The following ITSN1 variants were observed in gnomAD, a reference collection of about 807,000 sequenced individuals.
ITSN1 encodes the protein intersectin 1, also known as intersectin-1.
In ITSN1, 58 loss-of-function variants were observed where a neutral mutation model predicts 239.8. The ratio of observed to expected loss-of-function variants is 0.24; its 90% CI spans 0.20 to 0.30. The LOEUF (loss-of-function observed/expected upper bound fraction) is 0.30. ITSN1 is among the 10% of genes least tolerant of loss of function. The pLI is 1.00. For missense variants in ITSN1, 1,558 were observed against 2,103.3 expected (o/e 0.74, Z 5.07); for synonymous variants, 780 against 770.8 (o/e 1.01, Z -0.20).
chr21:33,800,507 T>C (rs936734783), intron 19 of ITSN1, among the ~76,000 whole-genome samples: 4 of 152,158 alleles, frequency 2.6e-5, no homozygotes, highest in Non-Finnish European at 1.5e-5. Flanking sequence ...TTCCCTTTAA[T>C]TATGTGAACT....
chr21:33,749,069 GC>G (rs1274032164), intron 5 of ITSN1, among the ~76,000 whole-genome samples: 1 of 150,510 alleles, frequency 6.6e-6, no homozygotes, highest in Admixed American at 6.6e-5. Flanking sequence ...GCTCACTGTA[GC>G]CTCAACCTCT....
chr21:33,782,160 T>C, intron 16 of ITSN1, 27 bp downstream of exon 16: 1 of 1,606,830 alleles, frequency 6.2e-7, no homozygotes, highest in Non-Finnish European at 8.5e-7. Context: ...TGCCTGCATG[T>C]GTGTCCTACC....
chr21:33,795,045 A>G (rs1486265530), intron 17 of ITSN1, among the ~76,000 whole-genome samples: 1 of 152,134 alleles, frequency 6.6e-6, no homozygotes, highest in African/African-American at 2.4e-5. Context: ...TTTGTGTCTG[A>G]TTTTGTTACT....
At chr21:33,780,704 A>G (rs911129682) in intron 14 of ITSN1, among the ~76,000 whole-genome samples, 6 of 152,240 alleles carry the variant, frequency 3.9e-5, no homozygotes, top group Admixed American at 6.5e-5. Flanking sequence ...TTATCAAGGT[A>G]AAAATAAAAG....
At chr21:33,866,367 C>G (rs1981580634) in intron 32 of ITSN1, among the ~76,000 whole-genome samples, 1 of 152,230 alleles carries the variant, frequency 6.6e-6, no homozygotes, top group African/African-American at 2.4e-5. Flanking sequence ...CATGGACCAC[C>G]TAGGGTTTCA....
intron 29 of ITSN1, chr21:33,836,842 GTCCCCTCCC>G (rs2074629005): frequency 1.0e-5 from 7 of 694,048 alleles, no homozygotes; most frequent in South Asian, 4.2e-5. Flanking sequence ...TCTGTAGCAT[GTCCCCTCCC>G]TCCCCTCCCT....
chr21:33,843,333 T>G (rs1378082068), intron 29 of ITSN1, among the ~76,000 whole-genome samples: 1 of 152,100 alleles, frequency 6.6e-6, no homozygotes, highest in African/African-American at 2.4e-5. Flanking sequence ...TCCTCACTGG[T>G]GGGGTTACCA....
intron 29 of ITSN1, among the ~76,000 whole-genome samples, chr21:33,855,512 T>C (rs572599445): frequency 6.6e-6 from 1 of 152,356 alleles, no homozygotes; most frequent in South Asian, 2.1e-4. Context: ...GCTTCTGTGA[T>C]TAAATAAAGA....
intron 1 of ITSN1, among the ~76,000 whole-genome samples, chr21:33,699,876 C>G (rs777676270): frequency 1.4e-4 from 21 of 152,174 alleles, no homozygotes; most frequent in Non-Finnish European, 2.8e-4. Flanking sequence ...TTTTTCCTGC[C>G]TCAGCCTCCC....
At chr21:33,819,081 G>A (rs1260779225) in intron 23 of ITSN1, among the ~76,000 whole-genome samples, 160 bp from the exon 24 acceptor site, 1 of 112,118 alleles carries the variant, frequency 8.9e-6, no homozygotes, top group South Asian at 3.4e-4. Flanking sequence ...TGCCTCTGTA[G>A]TACCTTATTA....
At chr21:33,796,520 G>A (rs928819969) in intron 17 of ITSN1, among the ~76,000 whole-genome samples, 1 of 152,150 alleles carries the variant, frequency 6.6e-6, no homozygotes, top group Non-Finnish European at 1.5e-5. Context: ...AATTCTAGCC[G>A]ATGACCTGTG....
At chr21:33,829,423 A>G (rs936958628) in intron 26 of ITSN1, 2 of 603,670 alleles carry the variant, frequency 3.3e-6, no homozygotes, top group Non-Finnish European at 5.9e-6. Context: ...CTCAAGGATC[A>G]GCCAGGCCCT....
chr21:33,795,826 C>A (rs2071504061), intron 17 of ITSN1, among the ~76,000 whole-genome samples: 2 of 150,870 alleles, frequency 1.3e-5, no homozygotes, highest in African/African-American at 4.9e-5. Flanking sequence ...CAGAAAATAG[C>A]ATAAAAATAT....
At chr21:33,704,338 C>T (rs370049808) in intron 1 of ITSN1, among the ~76,000 whole-genome samples, 63 of 152,244 alleles carry the variant, frequency 4.1e-4, no homozygotes, top group African/African-American at 1.5e-3. Context: ...TTTCTTCTTT[C>T]GTTTTCCAGT....
At chr21:33,849,025 G>A (rs34756011) in intron 29 of ITSN1, among the ~76,000 whole-genome samples, 26,982 of 152,174 alleles carry the variant, frequency 0.18, 2,927 homozygotes, top group East Asian at 0.23. Flanking sequence ...CGGATCACCT[G>A]AAGTCAGGAG....
rs1204245540 is a variant in ITSN1 at position 33,882,730 on chromosome 21, G to T, written c.4554+275G>T. Among the ~76,000 whole-genome samples the T allele has an allele frequency of 6.6e-6, 1 of 152,198 alleles. No individual in the cohort carries two copies. Among genetic ancestry groups the T allele is most frequent in the African/African-American group, 2.4e-5 (1 of 41,450 alleles). On this transcript the variant is annotated intron_variant, in intron 35 of 39. Transcript: ENST00000381318. This position sits in a 1 kb window ranked among gnomAD's most constrained non-coding sequence, Gnocchi z 4.5. ...CAGAGGCATGCTTTAGCCTGTAGGA[G>T]CGAAGTCTAGGGTACAGATGAGGCA...
intron 1 of ITSN1, among the ~76,000 whole-genome samples, chr21:33,694,643 A>T (rs1021061479): frequency 2.0e-5 from 3 of 152,080 alleles, no homozygotes; most frequent in Non-Finnish European, 2.9e-5. Flanking sequence ...CAACATGGCG[A>T]AACCCCGTCT....
In ITSN1 at chr21:33,802,456, C is replaced by T. The variant is rs994672175; in HGVS notation, c.2319+12C>T. 1.9e-6 allele frequency: 3 copies of T among 1,610,132 alleles called. No individual in the cohort carries two copies. Among genetic ancestry groups the T allele is most frequent in the Non-Finnish European group, 2.5e-6 (3 of 1,179,456 alleles). ...TTAAAGGGGAATGGGTAAGTGTTGC[C>T]TAACTGTCAGGAAGTCTGCATCTTA... is the stretch of plus-strand genomic sequence containing the variant. On this transcript the variant is annotated intron_variant, in intron 20 of 39. Coordinates refer to ENST00000381318, the MANE Select transcript of ITSN1 (RefSeq NM_003024.3).
chr21:33,669,129 C>T (rs1327753848), intron 1 of ITSN1, among the ~76,000 whole-genome samples: 1 of 152,246 alleles, frequency 6.6e-6, no homozygotes. Context: ...GTTGCCCAGG[C>T]TGGAGTGCAA....
Sources: allele counts gnomAD v4.1 joint callset (sites outside exome capture counted in the v4.1 genomes callset), GRCh38; gene constraint gnomAD v4.1.1; non-coding constraint Gnocchi (gnomAD v3.1); transcripts MANE v1.5; gene names NCBI Gene and HGNC (gene_info 2026-07-23, HGNC 2026-07-21).